The following OCLN variants were observed in gnomAD, a reference collection of about 807,000 sequenced individuals.
The protein encoded by OCLN is occludin.
OCLN carries 21 observed loss-of-function variants against 47.9 expected under a neutral mutation model. That is an observed-to-expected ratio of 0.44 (90% CI 0.31 to 0.63). The LOEUF (loss-of-function observed/expected upper bound fraction) is 0.63, where lower values mean the gene tolerates loss of function less well. Among genes scored for constraint, OCLN ranks in the 30% least tolerant of loss-of-function variants. The pLI is 0.08. For synonymous variants in OCLN, 117 were observed against 198.4 expected (o/e 0.59, Z 3.45); for missense variants, 360 against 571.0 (o/e 0.63, Z 3.77).
In OCLN at chr5:69,557,517, T is replaced by C. The variant is rs1462105273; in HGVS notation, c.*3846T>C. 2.6e-5 allele frequency: 2 copies of C among 76,478 alleles called. No homozygotes were observed. The highest frequency in any genetic ancestry group is 5.9e-5 in the African/African-American group (2 of 33,968). 4.7% of individuals were successfully genotyped at this position (76,478 alleles called of 1,614,324 possible). A position where few individuals can be genotyped will look rare whatever the true frequency, so the allele number is the denominator to read the frequency against. Reference sequence around the variant, plus strand: ...GCATGTGTCATCCAATCCCATATGATTGATCTGTGCTGGGTGCAGCCTTAG... The same window carrying C: ...GCATGTGTCATCCAATCCCATATGACTGATCTGTGCTGGGTGCAGCCTTAG... On this transcript the variant is annotated 3_prime_UTR_variant, in exon 9 of 9. Coordinates refer to ENST00000396442, the MANE Select transcript of OCLN (RefSeq NM_001205254.2).
At chr5:69,519,299 T>C (rs1428420990) in intron 4 of OCLN, among the ~76,000 whole-genome samples, 1 of 152,214 alleles carries the variant, frequency 6.6e-6, no homozygotes, top group Non-Finnish European at 1.5e-5. Flanking sequence ...ACACGCCTCC[T>C]GCCCTCCCAC....
chr5:69,548,974 A>G (rs1769782144), intron 7 of OCLN, among the ~76,000 whole-genome samples: 1 of 147,198 alleles, frequency 6.8e-6, no homozygotes, highest in African/African-American at 2.5e-5. Flanking sequence ...AATTAATAAT[A>G]ATAATAATAA....
chr5:69,555,407 G>A lies in OCLN; in HGVS notation c.*1736G>A, dbSNP rs964462135. On this transcript the variant is annotated 3_prime_UTR_variant, in exon 9 of 9. Transcript: ENST00000396442. ...GCCTCCCGAGTAGCTGGGATTACAG[G>A]CATGCGCCACCACACCTGGCTAATT... 6.6e-6 allele frequency: 1 copy of A among 151,224 alleles called. No individual in the cohort carries two copies. The highest frequency in any genetic ancestry group is 2.4e-5 in the African/African-American group (1 of 41,156). 9.4% of individuals were successfully genotyped at this position (151,224 alleles called of 1,614,324 possible). A position where few individuals can be genotyped will look rare whatever the true frequency, so the allele number is the denominator to read the frequency against.
intron 4 of OCLN, among the ~76,000 whole-genome samples, chr5:69,515,945 C>T (rs1403766232): frequency 6.7e-6 from 1 of 150,090 alleles, no homozygotes; most frequent in Non-Finnish European, 1.5e-5. Flanking sequence ...GCATGGGGGC[C>T]GGGAAGAGGC....
intron 4 of OCLN, among the ~76,000 whole-genome samples, chr5:69,532,379 C>T (rs902739332): frequency 2.6e-5 from 4 of 152,176 alleles, no homozygotes; most frequent in African/African-American, 9.7e-5. Context: ...GCACTACAAG[C>T]ACACGTACCA....
At chr5:69,500,272 G>A (rs1340319997) in intron 1 of OCLN, among the ~76,000 whole-genome samples, 2 of 152,092 alleles carry the variant, frequency 1.3e-5, no homozygotes, top group African/African-American at 4.8e-5. Context: ...AAGATTTTCA[G>A]GATTCTTTCT....
intron 4 of OCLN, among the ~76,000 whole-genome samples, chr5:69,532,893 A>G (rs369061489): frequency 6.6e-6 from 1 of 151,864 alleles, no homozygotes; most frequent in East Asian, 1.9e-4. Context: ...ACTTGAACCC[A>G]GGAGGCGGAG....
intron 2 of OCLN, among the ~76,000 whole-genome samples, chr5:69,508,311 ATT>A (rs925556930): frequency 6.6e-6 from 1 of 151,804 alleles, no homozygotes; most frequent in Non-Finnish European, 1.5e-5. Flanking sequence ...TCCACTGTGC[ATT>A]TTAACAGCGT....
chr5:69,497,651 G>T (rs973423241), intron 1 of OCLN, among the ~76,000 whole-genome samples: 1 of 152,026 alleles, frequency 6.6e-6, no homozygotes, highest in African/African-American at 2.4e-5. Context: ...AAAGTGCTGG[G>T]ATTACAGGCG....
At chr5:69,504,024 T>C (rs188249983) in intron 1 of OCLN, among the ~76,000 whole-genome samples, 153 bp from the exon 2 acceptor site, 6 of 150,834 alleles carry the variant, frequency 4.0e-5, no homozygotes, top group African/African-American at 1.5e-4. Context: ...TACTTGAGCC[T>C]GGTAGATCAA....
At chr5:69,496,330 C>T (rs1768288887) in intron 1 of OCLN, among the ~76,000 whole-genome samples, 1 of 152,018 alleles carries the variant, frequency 6.6e-6, no homozygotes, top group Non-Finnish European at 1.5e-5. Context: ...GATCTCCTGA[C>T]CTCGTGATCC....
At chr5:69,500,076 G>A (rs1768412800) in intron 1 of OCLN, among the ~76,000 whole-genome samples, 1 of 152,214 alleles carries the variant, frequency 6.6e-6, no homozygotes, top group Non-Finnish European at 1.5e-5. Flanking sequence ...CTAGCCAATG[G>A]GTTAGTTATC....
chr5:69,522,804 T>C (rs1184160540), intron 4 of OCLN, among the ~76,000 whole-genome samples: 1 of 151,468 alleles, frequency 6.6e-6, no homozygotes, highest in East Asian at 1.9e-4. Context: ...CATAGCTTAC[T>C]ACAGCCTTGA....
intron 2 of OCLN, among the ~76,000 whole-genome samples, chr5:69,507,936 C>T (rs1013319512): frequency 2.6e-5 from 4 of 152,148 alleles, no homozygotes; most frequent in Non-Finnish European, 4.4e-5. Flanking sequence ...ATATATTTCA[C>T]TTAATCTTGT....
chr5:69,516,812 T>A (rs1398796457), intron 4 of OCLN, among the ~76,000 whole-genome samples: 1 of 152,018 alleles, frequency 6.6e-6, no homozygotes, highest in East Asian at 1.9e-4. Context: ...ATCCCAGCAC[T>A]TAGGGAGGCC....
chr5:69,498,773 G>A (rs1334905515), intron 1 of OCLN, among the ~76,000 whole-genome samples: 1 of 151,904 alleles, frequency 6.6e-6, no homozygotes, highest in Non-Finnish European at 1.5e-5. Context: ...TCTGCCTCCT[G>A]GGCTCAAGCG....
Position 69,547,249 on chromosome 5 carries a change from G to A in OCLN, c.1254-681G>A, listed in dbSNP as rs551585506. Among the ~76,000 whole-genome samples, 49 of 147,232 alleles carry A rather than the reference G, an allele frequency of 3.3e-4. No homozygotes were observed. The East Asian group carries it at 9.1e-3, about 27-fold the overall frequency. On this transcript the variant is annotated intron_variant, in intron 6 of 8. Coordinates refer to ENST00000396442, the MANE Select transcript of OCLN (RefSeq NM_001205254.2). ...GTGCTGCCACTGTGGTGATCAAAGC[G>A]GACTTTGTGTTCCAGAATTCCAGTT...
intron 4 of OCLN, among the ~76,000 whole-genome samples, chr5:69,530,163 G>T (rs1769390915): frequency 6.6e-6 from 1 of 151,930 alleles, no homozygotes; most frequent in Admixed American, 6.6e-5. Flanking sequence ...ACATAGCAAG[G>T]CCTCATCTCT....
chr5:69,497,109 C>A (rs1026652037), intron 1 of OCLN, among the ~76,000 whole-genome samples: 2 of 152,160 alleles, frequency 1.3e-5, no homozygotes, highest in African/African-American at 4.8e-5. Flanking sequence ...AAAAAAATAT[C>A]AAATAACTTA....
Sources: allele counts gnomAD v4.1 joint callset (sites outside exome capture counted in the v4.1 genomes callset), GRCh38; gene constraint gnomAD v4.1.1; transcripts MANE v1.5; gene names NCBI Gene and HGNC (gene_info 2026-07-23, HGNC 2026-07-21).